The following WDFY2 variants were observed in gnomAD, a reference collection of about 807,000 sequenced individuals.
WDFY2 encodes the protein WD repeat and FYVE domain-containing protein 2.
Under a neutral mutation model 56.4 loss-of-function variants are expected in WDFY2, and 36 were observed. The ratio of observed to expected loss-of-function variants is 0.64; its 90% CI spans 0.49 to 0.84. The LOEUF (loss-of-function observed/expected upper bound fraction) is 0.84. WDFY2 is among the 40% of genes least tolerant of loss of function. The pLI is 0.00. For synonymous variants in WDFY2, 176 were observed against 183.7 expected (o/e 0.96, Z 0.34); for missense variants, 444 against 512.2 (o/e 0.87, Z 1.29).
chr13:51,652,077 TC>T (rs1257276745), intron 1 of WDFY2, among the ~76,000 whole-genome samples: 1 of 152,240 alleles, frequency 6.6e-6, no homozygotes, highest in Non-Finnish European at 1.5e-5. Flanking sequence ...GCTTTATGTA[TC>T]TGGGTGCTCC....
At chr13:51,644,212 C>T (rs1340114487) in intron 1 of WDFY2, among the ~76,000 whole-genome samples, 1 of 152,110 alleles carries the variant, frequency 6.6e-6, no homozygotes, top group Admixed American at 6.5e-5. Flanking sequence ...AAACAAAAGC[C>T]AAGTCTGCAA....
rs548360068 is a variant in WDFY2, at chr13:51,634,079, CT to C, written c.138-26512del. 1.2e-4 allele frequency among the ~76,000 whole-genome samples: 19 copies of C among 152,260 alleles called. No individual in the cohort carries two copies. In the South Asian group the frequency reaches 2.7e-3, roughly 22 times the overall value. ...ATTACTTACCTAAATTACTTAACTT[CT>C]TTTTGCCTCAGTTCATCAGCTCCAA... On this transcript the variant is annotated intron_variant, in intron 1 of 11. Transcript: ENST00000298125.
At chr13:51,718,388 G>A (rs1317091893) in intron 4 of WDFY2, among the ~76,000 whole-genome samples, 1 of 152,122 alleles carries the variant, frequency 6.6e-6, no homozygotes, top group East Asian at 1.9e-4. Context: ...TAAGACCTCA[G>A]CCAAACTACT....
intron 3 of WDFY2, among the ~76,000 whole-genome samples, chr13:51,691,228 T>G (rs1289678040): frequency 1.3e-5 from 2 of 152,164 alleles, no homozygotes; most frequent in Non-Finnish European, 2.9e-5. Context: ...ATTTTGTCTT[T>G]TGTTGCCATT....
intron 2 of WDFY2, among the ~76,000 whole-genome samples, chr13:51,669,164 C>T (rs1330061044): frequency 1.3e-5 from 2 of 152,152 alleles, no homozygotes; most frequent in Non-Finnish European, 1.5e-5. Context: ...GGCTATGTCT[C>T]CTGTGCTTTC....
intron 7 of WDFY2, among the ~76,000 whole-genome samples, chr13:51,743,413 G>C (rs1953020157): frequency 6.6e-6 from 1 of 152,116 alleles, no homozygotes; most frequent in South Asian, 2.1e-4. Context: ...GACAAAATTG[G>C]AAGGAAAAAC....
chr13:51,713,058 G>A (rs1463816970), intron 4 of WDFY2, among the ~76,000 whole-genome samples: 1 of 152,142 alleles, frequency 6.6e-6, no homozygotes, highest in Non-Finnish European at 1.5e-5. Flanking sequence ...TCAAGGAAGA[G>A]GCAATGCAAG....
At position 51,767,605 on chromosome 13, in the gene WDFY2, G is replaced by A. The variant is rs1346181302; in HGVS notation, c.*7836G>A. The A allele has an allele frequency of 2.6e-5, 4 of 153,214 alleles. No homozygotes were observed. Among genetic ancestry groups the A allele is most frequent in the African/African-American group, 7.2e-5 (3 of 41,420 alleles). The allele number at this position is 153,214 out of a possible 1,614,324, so 9.5% of individuals were successfully genotyped here. On this transcript the variant is annotated 3_prime_UTR_variant, in exon 12 of 12. Coordinates refer to ENST00000298125, the MANE Select transcript of WDFY2 (RefSeq NM_052950.4). Reference sequence around the variant, plus strand: ...AAGAGGTAAAATGGTGTAAATTAGAGGTTTTATCAAAGTGTAGTACCAGAA... The same window carrying A: ...AAGAGGTAAAATGGTGTAAATTAGAAGTTTTATCAAAGTGTAGTACCAGAA...
chr13:51,586,311 G>A (rs992580347), intron 1 of WDFY2: 1 of 361,000 alleles, frequency 2.8e-6, no homozygotes, highest in East Asian at 4.0e-5. Context: ...AACTACTGGA[G>A]ATGGAACTGA....
chr13:51,652,385 G>C (rs1955408886), intron 1 of WDFY2, among the ~76,000 whole-genome samples: 1 of 152,114 alleles, frequency 6.6e-6, no homozygotes, highest in African/African-American at 2.4e-5. Context: ...CTTTTAATTG[G>C]AGCATTTAGC....
chr13:51,674,970 A>G (rs1034666855), intron 2 of WDFY2, among the ~76,000 whole-genome samples, 200 bp from the exon 3 acceptor site: 1 of 152,242 alleles, frequency 6.6e-6, no homozygotes, highest in African/African-American at 2.4e-5. Flanking sequence ...TATTTGTTAT[A>G]TTCATTAAAA....
chr13:51,599,304 T>A (rs1034987686), intron 1 of WDFY2: 3 of 152,250 alleles, frequency 2.0e-5, no homozygotes, highest in African/African-American at 7.2e-5. Context: ...TATAGAAGGC[T>A]ATAAAGAATT....
At chr13:51,590,164 T>C (rs932550368) in intron 1 of WDFY2, 3 of 152,204 alleles carry the variant, frequency 2.0e-5, no homozygotes, top group Non-Finnish European at 1.5e-5. Flanking sequence ...CATCCACATA[T>C]TGCAATGCTA....
intron 3 of WDFY2, among the ~76,000 whole-genome samples, chr13:51,699,777 G>A (rs1055636166): frequency 1.3e-5 from 2 of 152,152 alleles, no homozygotes; most frequent in Non-Finnish European, 2.9e-5. Context: ...GTAATCTAGC[G>A]GTGTTTATTA....
chr13:51,763,839 C>T lies in WDFY2; in HGVS notation c.*4070C>T, dbSNP rs1953664511. On this transcript the variant is annotated 3_prime_UTR_variant, in exon 12 of 12. Coordinates refer to ENST00000298125, the MANE Select transcript of WDFY2 (RefSeq NM_052950.4). ...ATTTATTTTTGCCTGATATTAATCACTTCTTAAGGCCCAAATTTTTGTTTT... is the reference window on the plus strand; with the variant it reads ...ATTTATTTTTGCCTGATATTAATCATTTCTTAAGGCCCAAATTTTTGTTTT... 1 of 152,182 alleles carries T rather than the reference C, an allele frequency of 6.6e-6. No individual in the cohort carries two copies. Among genetic ancestry groups the T allele is most frequent in the African/African-American group, 2.4e-5 (1 of 41,438 alleles). 9.4% of individuals were successfully genotyped at this position (152,182 alleles called of 1,614,324 possible).
chr13:51,756,410 G>A lies in WDFY2; in HGVS notation c.1012G>A (p.Glu338Lys), dbSNP rs762727104. The change falls in exon 10 of 12, where the codon GAG (glutamate) becomes AAG (lysine). Residue 338 changes from glutamate (E) to lysine (K), a missense_variant. Coordinates refer to ENST00000298125, the MANE Select transcript of WDFY2 (RefSeq NM_052950.4). ...CTCCTCCATCCCCCTGATGGGCTTC[G>A]AGTTTGAAGTGAGGGTCTGTGACAG... ...KRSSIPLMGF[E>K]FEVRVCDSCH... The A allele has an allele frequency of 6.2e-6, 10 of 1,614,018 alleles. No homozygotes were observed. The highest frequency in any genetic ancestry group is 5.3e-5 in the African/African-American group (4 of 74,922).
chr13:51,692,525 T>C (rs1216414271), intron 3 of WDFY2, among the ~76,000 whole-genome samples: 1 of 152,246 alleles, frequency 6.6e-6, no homozygotes, highest in Non-Finnish European at 1.5e-5. Context: ...GAACCAGCCT[T>C]GCATCCCAGG....
intron 1 of WDFY2, among the ~76,000 whole-genome samples, chr13:51,645,180 T>C (rs1183669274): frequency 6.6e-6 from 1 of 151,944 alleles, no homozygotes; most frequent in Non-Finnish European, 1.5e-5. Context: ...GAAAACTACA[T>C]CCTGTTGCTC....
Position 51,759,839 on chromosome 13 carries a change from G to C in WDFY2, c.*70G>C. 4 of 1,485,532 alleles carry C rather than the reference G, an allele frequency of 2.7e-6. No homozygotes were observed. The highest frequency in any genetic ancestry group is 3.7e-6 in the Non-Finnish European group (4 of 1,069,226). 92.0% of individuals were successfully genotyped at this position (1,485,532 alleles called of 1,614,324 possible). A position where few individuals can be genotyped will look rare whatever the true frequency, so the allele number is the denominator to read the frequency against. ...GTTGTTTTAACCCAAATCATTACCA[G>C]AGTGGTAAAGCAGACATGTGAGAAG... is the stretch of plus-strand genomic sequence containing the variant. On this transcript the variant is annotated 3_prime_UTR_variant, in exon 12 of 12. Coordinates refer to ENST00000298125, the MANE Select transcript of WDFY2 (RefSeq NM_052950.4).
Sources: gnomAD v4.1 joint callset for allele counts (sites outside exome capture counted in the v4.1 genomes callset) on GRCh38, gnomAD v4.1.1 for gene constraint, MANE v1.5 for transcripts, NCBI Gene and HGNC (gene_info 2026-07-23, HGNC 2026-07-21) for gene names.